Variants in MICAL2 observed in about 807,000 individuals in gnomAD.
The protein encoded by MICAL2 is microtubule associated monooxygenase, calponin and LIM domain containing 2.
In MICAL2, 77 loss-of-function variants were observed where a neutral mutation model predicts 127.3. The observed-to-expected ratio is 0.60, with a 90% confidence interval of 0.50 to 0.73. The LOEUF is 0.73. Ranked by LOEUF, MICAL2 falls within the 30% of genes least tolerant of loss-of-function variation. The pLI is 0.00. For missense variants in MICAL2, 1,351 were observed against 1,434.4 expected, an observed-to-expected ratio of 0.94 and a Z score of 0.94; for synonymous variants, 570 against 551.1, an observed-to-expected ratio of 1.03 and a Z score of -0.48.
chr11:12,136,350 G>C (rs1274329674), intron 1 of MICAL2, among the ~76,000 whole-genome samples: 1 of 152,180 alleles, frequency 6.6e-6, no homozygotes, highest in Non-Finnish European at 1.5e-5. Flanking sequence ...TTTGGGTGAA[G>C]CACTTCGCTG....
At position 12,314,170 on chromosome 11, in the gene MICAL2, A is replaced by G. The variant is rs1436778755; in HGVS notation, c.5213-5526A>G. ...AATATTTAGTCTACTTACAGTTAAC[A>G]TAATTACTGATATATTTGGGTTTAA... On this transcript the variant is annotated intron_variant, in intron 29 of 34. Coordinates refer to the MICAL2 transcript ENST00000646065. Among the ~76,000 whole-genome samples the G allele has an allele frequency of 2.6e-5, 4 of 151,902 alleles. No individual in the cohort carries two copies. In the East Asian group the frequency reaches 7.7e-4, roughly 29 times the overall value.
At chr11:12,225,291 T>C (rs1857278856) in intron 13 of MICAL2, among the ~76,000 whole-genome samples, 1 of 152,192 alleles carries the variant, frequency 6.6e-6, no homozygotes, top group Admixed American at 6.5e-5. Flanking sequence ...AAATTAGAAA[T>C]AGCAGCAGGG....
chr11:12,337,973 C>T (rs1938796008), intron 32 of MICAL2, among the ~76,000 whole-genome samples: 1 of 152,294 alleles, frequency 6.6e-6, no homozygotes, highest in Non-Finnish European at 1.5e-5. Context: ...AGTAGGTCCG[C>T]TTGGTGCAGA....
intron 30 of MICAL2, among the ~76,000 whole-genome samples, chr11:12,321,467 C>T (rs1406881531): frequency 6.6e-6 from 1 of 152,112 alleles, no homozygotes; most frequent in Admixed American, 6.5e-5. Flanking sequence ...ACCCTTGCTC[C>T]CCACTGCCTC....
chr11:12,148,413 G>T (rs374830203), intron 2 of MICAL2, among the ~76,000 whole-genome samples: 1 of 152,126 alleles, frequency 6.6e-6, no homozygotes, highest in East Asian at 1.9e-4. Context: ...AGGAGGGTTT[G>T]GATTTGTACA....
chr11:12,212,028 C>G (rs1397982978), intron 6 of MICAL2, among the ~76,000 whole-genome samples: 1 of 152,180 alleles, frequency 6.6e-6, no homozygotes, highest in Non-Finnish European at 1.5e-5. Context: ...CCATGTTCCA[C>G]GGGATGGGCC....
chr11:12,225,222 A>C (rs1421327909), intron 13 of MICAL2, among the ~76,000 whole-genome samples: 1 of 152,172 alleles, frequency 6.6e-6, no homozygotes. Flanking sequence ...CCAGATCCAT[A>C]AGCTGTGTGT....
chr11:12,232,088 G>A (rs1038322556), intron 15 of MICAL2, among the ~76,000 whole-genome samples: 2 of 152,228 alleles, frequency 1.3e-5, no homozygotes, highest in African/African-American at 2.4e-5. Context: ...TGGCAGGTCT[G>A]AGCACGATGT....
intron 3 of MICAL2, among the ~76,000 whole-genome samples, chr11:12,178,701 A>T (rs1857106930): frequency 6.6e-6 from 1 of 151,362 alleles, no homozygotes. Flanking sequence ...AATGTCTCTC[A>T]TCAGACGGTA....
At chr11:12,117,240 C>G (rs1208437089) in intron 1 of MICAL2, among the ~76,000 whole-genome samples, 4 of 151,908 alleles carry the variant, frequency 2.6e-5, no homozygotes, top group African/African-American at 4.8e-5. Flanking sequence ...CTGCTGGCAG[C>G]AAGAGGAGGG....
intron 6 of MICAL2, among the ~76,000 whole-genome samples, chr11:12,212,941 G>T: frequency 6.6e-6 from 1 of 152,220 alleles, no homozygotes; most frequent in East Asian, 1.9e-4. Flanking sequence ...TCTCTCATGA[G>T]TGTATCTAGC....
intron 32 of MICAL2, among the ~76,000 whole-genome samples, chr11:12,343,833 C>A (rs994597655): frequency 6.6e-6 from 1 of 152,102 alleles, no homozygotes; most frequent in Non-Finnish European, 1.5e-5. Context: ...CAAGGAAAAA[C>A]GATCCTTAAT....
chr11:12,349,884 G>A, exon 33 of MICAL2: 1 of 1,614,156 alleles, frequency 6.2e-7, no homozygotes, highest in South Asian at 1.1e-5. Context: ...AATGGTTTAA[G>A]CTGGTTCTGG....
intron 29 of MICAL2, among the ~76,000 whole-genome samples, chr11:12,301,993 A>G (rs1474415118): frequency 6.6e-6 from 1 of 152,232 alleles, no homozygotes; most frequent in East Asian, 1.9e-4. Context: ...GGTGCCTGTC[A>G]TCCCGTGTCG....
At chr11:12,115,856 G>A (rs1470190181) in intron 1 of MICAL2, among the ~76,000 whole-genome samples, 1 of 152,090 alleles carries the variant, frequency 6.6e-6, no homozygotes, top group Non-Finnish European at 1.5e-5. Context: ...TATTTGGAAC[G>A]GTTATACATG....
Position 12,258,468 on chromosome 11 carries a change from G to A in MICAL2, c.3143G>A (p.Gly1048Asp). 1 of 1,613,884 alleles carries A rather than the reference G, an allele frequency of 6.2e-7. No individual in the cohort carries two copies. Among genetic ancestry groups the A allele is most frequent in the South Asian group, 1.1e-5 (1 of 91,080 alleles). ...TGTATGTGTGTGCCTCTTTTTACAG[G>A]CAAATTTTACTGCAAGCCTCACTTC... ...LAAYTFDCDE[G>D]KFYCKPHFIH... is the part of the protein sequence containing the mutation. The change falls in exon 25 of 28, where the codon GGC becomes GAC. Residue 1048 changes from glycine (G) to aspartate (D), a missense_variant and splice_region_variant. Physicochemically the swap from Gly to Asp is moderately conservative, Grantham distance 94. Coordinates refer to ENST00000683283, the MANE Select transcript of MICAL2 (RefSeq NM_001282663.2).
intron 15 of MICAL2, among the ~76,000 whole-genome samples, chr11:12,232,529 C>A (rs1294426223): frequency 6.6e-6 from 1 of 152,292 alleles, no homozygotes; most frequent in African/African-American, 2.4e-5. Flanking sequence ...TCAAGACCAG[C>A]CTGGCCAACA....
chr11:12,287,064 C>T (rs1565293823), intron 2 of MICAL2: 1 of 398,954 alleles, frequency 2.5e-6, no homozygotes, highest in Non-Finnish European at 4.4e-6. Context: ...CCCCATCTTC[C>T]CTGTCCCTTT....
At chr11:12,261,184 C>CCTGTGGGACG in intron 26 of MICAL2, 2 of 985,472 alleles carry the variant, frequency 2.0e-6, no homozygotes, top group Non-Finnish European at 2.4e-6. Flanking sequence ...GCGTGGCCTG[C>CCTGTGGGACG]CCAGTGAGCA....
Sources: allele counts gnomAD v4.1 joint callset (sites outside exome capture counted in the v4.1 genomes callset), GRCh38; gene constraint gnomAD v4.1.1; transcripts MANE v1.5; gene names NCBI Gene and HGNC (gene_info 2026-07-23, HGNC 2026-07-21).